The following PPIP5K2 variants were observed in gnomAD, a reference collection of about 807,000 sequenced individuals.
The protein encoded by PPIP5K2 is inositol hexakisphosphate and diphosphoinositol-pentakisphosphate kinase 2.
A neutral mutation model predicts 154.6 loss-of-function variants in PPIP5K2; 105 were observed. That is an observed-to-expected ratio of 0.68 (90% CI 0.58 to 0.80). The LOEUF is 0.80. Among genes scored for constraint, PPIP5K2 ranks in the 30% least tolerant of loss-of-function variants. PPIP5K2 has a pLI of 0.00. For synonymous variants in PPIP5K2, 480 were observed against 490.3 expected, an observed-to-expected ratio of 0.98 and a Z score of 0.28; for missense variants, 992 against 1,504.6, an observed-to-expected ratio of 0.66 and a Z score of 5.64.
At chr5:103,188,949 GTTTCCTTT>G in intron 28 of PPIP5K2, 1 of 396,506 alleles carries the variant, frequency 2.5e-6, no homozygotes, top group East Asian at 3.7e-5. Context: ...GAGTTTTAAG[GTTTCCTTT>G]TTTCCTTTTT....
At chr5:103,141,537 C>T (rs1350940735) in intron 5 of PPIP5K2, among the ~76,000 whole-genome samples, 1 of 152,048 alleles carries the variant, frequency 6.6e-6, no homozygotes, top group African/African-American at 2.4e-5. Context: ...TTGGTAGAGC[C>T]GAGTGGCCTG....
chr5:103,135,238 C>G (rs1183933148), intron 3 of PPIP5K2, among the ~76,000 whole-genome samples: 1 of 152,178 alleles, frequency 6.6e-6, no homozygotes, highest in Non-Finnish European at 1.5e-5. Context: ...TTCCTCAAAA[C>G]TCTACTAGGT....
chr5:103,165,541 G>A (rs1554217582), intron 17 of PPIP5K2, among the ~76,000 whole-genome samples: 2 of 152,052 alleles, frequency 1.3e-5, no homozygotes, highest in African/African-American at 4.8e-5. Flanking sequence ...TAAGACATCA[G>A]TTTGAAGAGA....
rs1029811344 is a variant in PPIP5K2 at position 103,206,802 on chromosome 5, G to A, written c.*5168G>A. 3 of 152,174 alleles carry A rather than the reference G, an allele frequency of 2.0e-5. No homozygotes were observed. Among genetic ancestry groups the A allele is most frequent in the African/African-American group, 7.2e-5 (3 of 41,430 alleles). The allele number at this position is 152,174 out of a possible 1,614,324, so 9.4% of individuals were successfully genotyped here. On this transcript the variant is annotated 3_prime_UTR_variant, in exon 31 of 31. Transcript: ENST00000358359. Reference sequence around the variant, plus strand: ...AGCACTGGACATGCGTCAATCAGACGACATGCAGTCCAGGCAGAGGAAATT... The same window carrying A: ...AGCACTGGACATGCGTCAATCAGACAACATGCAGTCCAGGCAGAGGAAATT...
At chr5:103,174,040 T>A in intron 21 of PPIP5K2, 68 bp downstream of exon 21, 1 of 1,205,542 alleles carries the variant, frequency 8.3e-7, no homozygotes, top group Non-Finnish European at 1.2e-6. Flanking sequence ...CTAACTGCTA[T>A]TTTTACTGTG....
chr5:103,124,178 G>A (rs1294893018), intron 1 of PPIP5K2, among the ~76,000 whole-genome samples: 1 of 151,766 alleles, frequency 6.6e-6, no homozygotes, highest in Non-Finnish European at 1.5e-5. Flanking sequence ...TACTTGGGAG[G>A]CTGAGGCAGG....
At position 103,209,913 on chromosome 5, in the gene PPIP5K2, G is replaced by A. The variant is rs1554232494; in HGVS notation, c.*8279G>A. ...CATATCATTACGACTTTTTTTTCATGCCACATAGATATGCTGATTTGTCCA... is the reference window on the plus strand; with the variant it reads ...CATATCATTACGACTTTTTTTTCATACCACATAGATATGCTGATTTGTCCA... On this transcript the variant is annotated 3_prime_UTR_variant, in exon 31 of 31. Coordinates refer to ENST00000358359, the MANE Select transcript of PPIP5K2 (RefSeq NM_001276277.3). 1 of 151,972 alleles carries A rather than the reference G, an allele frequency of 6.6e-6. No individual in the cohort carries two copies. The highest frequency in any genetic ancestry group is 2.4e-5 in the African/African-American group (1 of 41,386). 9.4% of individuals were successfully genotyped at this position (151,972 alleles called of 1,614,324 possible).
chr5:103,173,829 G>T, intron 20 of PPIP5K2, 29 bp from the exon 21 acceptor site: 1 of 1,370,774 alleles, frequency 7.3e-7, no homozygotes, highest in African/African-American at 1.4e-5. Context: ...ATATGGTTAT[G>T]TTTGAACACT....
chr5:103,157,998 G>T (rs1323413663), intron 14 of PPIP5K2, among the ~76,000 whole-genome samples, 190 bp from the exon 15 acceptor site: 1 of 152,176 alleles, frequency 6.6e-6, no homozygotes, highest in Admixed American at 6.5e-5. Flanking sequence ...TAGCAAGGGA[G>T]TATTCCTTAC....
intron 30 of PPIP5K2, among the ~76,000 whole-genome samples, chr5:103,199,028 TA>T (rs1802558040): frequency 6.6e-6 from 1 of 152,076 alleles, no homozygotes; most frequent in South Asian, 2.1e-4. Flanking sequence ...CCACTGAAAG[TA>T]AAATGTAGAA....
At chr5:103,131,915 C>A (rs565964683) in intron 2 of PPIP5K2, among the ~76,000 whole-genome samples, 13 of 152,176 alleles carry the variant, frequency 8.5e-5, no homozygotes, top group African/African-American at 3.1e-4. Context: ...AGCCAGTGAG[C>A]AGATATTCAT....
chr5:103,134,819 G>A (rs1791201464), intron 3 of PPIP5K2, among the ~76,000 whole-genome samples: 1 of 152,150 alleles, frequency 6.6e-6, no homozygotes, highest in Admixed American at 6.5e-5. Context: ...TAGACATTGA[G>A]ACATCTTTAC....
chr5:103,135,603 T>C (rs923459117), intron 3 of PPIP5K2, among the ~76,000 whole-genome samples: 3 of 152,134 alleles, frequency 2.0e-5, no homozygotes, highest in African/African-American at 7.2e-5. Context: ...CTGATTCTTT[T>C]GAATTTTTTG....
intron 3 of PPIP5K2, 85 bp downstream of exon 3, chr5:103,133,733 CA>C: frequency 8.8e-7 from 1 of 1,140,044 alleles, no homozygotes; most frequent in Non-Finnish European, 1.2e-6. Flanking sequence ...TGAGATAAAA[CA>C]GAAAAATAAA....
rs1310556772 is a variant in PPIP5K2 at position 103,209,495 on chromosome 5, A to C, written c.*7861A>C. The C allele has an allele frequency of 6.6e-6, 1 of 152,166 alleles. No individual in the cohort carries two copies. The highest frequency in any genetic ancestry group is 1.5e-5 in the Non-Finnish European group (1 of 68,018). 9.4% of individuals were successfully genotyped at this position (152,166 alleles called of 1,614,324 possible). ...TATGAGTGGCACCATTGTGTGACCCAGGTAGGATAGTGGATGTACAGTTTA... is the reference window on the plus strand; with the variant it reads ...TATGAGTGGCACCATTGTGTGACCCCGGTAGGATAGTGGATGTACAGTTTA... On this transcript the variant is annotated 3_prime_UTR_variant, in exon 31 of 31. Coordinates refer to ENST00000358359, the MANE Select transcript of PPIP5K2 (RefSeq NM_001276277.3).
intron 6 of PPIP5K2, 35 bp downstream of exon 6, chr5:103,146,716 C>T (rs781785165): frequency 6.5e-7 from 1 of 1,537,958 alleles, no homozygotes; most frequent in Admixed American, 1.8e-5. Flanking sequence ...GAATACTCTT[C>T]TTTGTACATT....
intron 17 of PPIP5K2, among the ~76,000 whole-genome samples, chr5:103,162,520 G>A (rs1229931516): frequency 6.6e-6 from 1 of 151,768 alleles, no homozygotes; most frequent in African/African-American, 2.4e-5. Context: ...ACGCCACCAT[G>A]CTCAGCTAAC....
chr5:103,122,917 C>A (rs1207872016), intron 1 of PPIP5K2, among the ~76,000 whole-genome samples: 1 of 152,044 alleles, frequency 6.6e-6, no homozygotes, highest in African/African-American at 2.4e-5. Flanking sequence ...TGGCCGTGAC[C>A]AGTAAAGGTA....
Position 103,205,912 on chromosome 5 carries a change from T to G in PPIP5K2, c.*4278T>G, listed in dbSNP as rs1275196678. On this transcript the variant is annotated 3_prime_UTR_variant, in exon 31 of 31. Coordinates refer to ENST00000358359, the MANE Select transcript of PPIP5K2 (RefSeq NM_001276277.3). ...TTTTACTTTTTGGTATTTGTGTCAC[T>G]TTGTTTTAGGTTATTTAATATAGTA... is the stretch of plus-strand genomic sequence containing the variant. 1 of 152,220 alleles carries G rather than the reference T, an allele frequency of 6.6e-6. No individual in the cohort carries two copies. Among genetic ancestry groups the G allele is most frequent in the Non-Finnish European group, 1.5e-5 (1 of 68,036 alleles). 9.4% of individuals were successfully genotyped at this position (152,220 alleles called of 1,614,324 possible). A position where few individuals can be genotyped will look rare whatever the true frequency, so the allele number is the denominator to read the frequency against.
Sources: allele counts gnomAD v4.1 joint callset (sites outside exome capture counted in the v4.1 genomes callset), GRCh38; gene constraint gnomAD v4.1.1; transcripts MANE v1.5; gene names NCBI Gene and HGNC (gene_info 2026-07-23, HGNC 2026-07-21).